Variants in CCDC102B observed in about 807,000 individuals in gnomAD.
The protein encoded by CCDC102B is coiled-coil domain containing 102B.
CCDC102B carries 75 observed loss-of-function variants against 57.4 expected under a neutral mutation model. The ratio of observed to expected loss-of-function variants is 1.31; its 90% CI spans 1.08 to 1.58. CCDC102B has a LOEUF of 1.58. Ranked by LOEUF, CCDC102B falls within the 40% of genes most tolerant of loss-of-function variation. The pLI is 0.00. For synonymous variants in CCDC102B, 206 were observed against 201.9 expected, an observed-to-expected ratio of 1.02 and a Z score of -0.17; for missense variants, 636 against 582.6, an observed-to-expected ratio of 1.09 and a Z score of -0.94.
Position 68,857,088 on chromosome 18 carries a change from T to G in CCDC102B, c.936+10667T>G, listed in dbSNP as rs557669082. Among the ~76,000 whole-genome samples, 35 of 88,536 alleles carry G rather than the reference T, an allele frequency of 4.0e-4. 2 individuals are homozygous for G. The highest frequency in any genetic ancestry group is 5.5e-4 in the African/African-American group (13 of 23,820). 58.1% of individuals were successfully genotyped at this position (88,536 alleles called of 152,430 possible). A position where few individuals can be genotyped will look rare whatever the true frequency, so the allele number is the denominator to read the frequency against. ...TTTTATATATTATATATAAATATAT[T>G]TATATATTTTTATATATTATATATA... On this transcript the variant is annotated intron_variant, in intron 4 of 7. Transcript: ENST00000360242.
downstream of CCDC102B, among the ~76,000 whole-genome samples, chr18:69,057,866 A>G (rs567371592): frequency 3.9e-5 from 6 of 152,080 alleles, no homozygotes; most frequent in East Asian, 9.7e-4. Context: ...TTTTAGGTTC[A>G]GTGGGTACAT....
At chr18:68,813,416 G>T (rs547013555) in intron 1 of CCDC102B, among the ~76,000 whole-genome samples, 1 of 151,828 alleles carries the variant, frequency 6.6e-6, no homozygotes, top group Non-Finnish European at 1.5e-5. Flanking sequence ...AGAATGATAG[G>T]GGAGAGGAGA....
At chr18:68,883,222 C>G (rs1201921178) in intron 5 of CCDC102B, among the ~76,000 whole-genome samples, 1 of 151,720 alleles carries the variant, frequency 6.6e-6, no homozygotes, top group Non-Finnish European at 1.5e-5. Flanking sequence ...AGTTGGAGAC[C>G]ATGGTGAAAC....
chr18:68,851,748 A>G (rs1296290947), intron 4 of CCDC102B, among the ~76,000 whole-genome samples: 1 of 152,160 alleles, frequency 6.6e-6, no homozygotes, highest in East Asian at 1.9e-4. Flanking sequence ...ATTAGTCTAG[A>G]CAGTTAATAG....
intron 1 of CCDC102B, among the ~76,000 whole-genome samples, chr18:68,822,782 C>T (rs954933016): frequency 6.6e-6 from 1 of 152,174 alleles, no homozygotes; most frequent in African/African-American, 2.4e-5. Flanking sequence ...CCGGCTCCAT[C>T]CATGTTGTTG....
chr18:68,828,582 G>A (rs2037009242), intron 1 of CCDC102B, among the ~76,000 whole-genome samples: 1 of 151,566 alleles, frequency 6.6e-6, no homozygotes, highest in Non-Finnish European at 1.5e-5. Flanking sequence ...GACAGCTAAA[G>A]TAGTGCAGAG....
intron 2 of CCDC102B, among the ~76,000 whole-genome samples, chr18:68,717,683 T>G (rs1266714563): frequency 6.6e-6 from 1 of 152,222 alleles, no homozygotes; most frequent in Non-Finnish European, 1.5e-5. Context: ...TGTTTTTTTC[T>G]GCTTATCTAC....
rs565110441 is a variant in CCDC102B at position 69,014,450 on chromosome 18, G to A, written c.1434+3346G>A. On this transcript the variant is annotated intron_variant, in intron 7 of 7. Coordinates refer to ENST00000360242, the MANE Select transcript of CCDC102B (RefSeq NM_024781.3). Reference sequence around the variant, plus strand: ...GGAGCAGAACCCAGGCCAAATACAGGAATATTTTCCATGGTCAGTATAGGT... The same window carrying A: ...GGAGCAGAACCCAGGCCAAATACAGAAATATTTTCCATGGTCAGTATAGGT... 9.9e-5 allele frequency among the ~76,000 whole-genome samples: 15 copies of A among 152,214 alleles called. No homozygotes were observed. The South Asian group carries it at 3.1e-3, about 32-fold the overall frequency.
intron 2 of CCDC102B, among the ~76,000 whole-genome samples, chr18:68,749,423 C>T (rs1336618076): frequency 6.6e-6 from 1 of 152,148 alleles, no homozygotes; most frequent in Non-Finnish European, 1.5e-5. Flanking sequence ...GAATGTTCTT[C>T]CATTTGTTTG....
In CCDC102B at chr18:68,853,448, A is replaced by G. The variant is rs34626879; in HGVS notation, c.936+7027A>G. On this transcript the variant is annotated intron_variant, in intron 4 of 7. Transcript: ENST00000360242. The stretch of plus-strand genomic sequence containing the variant: ...TATCTATGAAAAATGATATTACTAT[A>G]TCGCTCTCATACTAAAAGTTGATTA... 9.6e-3 allele frequency among the ~76,000 whole-genome samples: 1,460 copies of G among 152,132 alleles called. 17 individuals are homozygous for G. Among genetic ancestry groups the G allele is most frequent in the South Asian group, 0.014 (69 of 4,824 alleles).
intron 6 of CCDC102B, among the ~76,000 whole-genome samples, chr18:68,922,792 A>T (rs2041329647): frequency 6.6e-6 from 1 of 151,416 alleles, no homozygotes; most frequent in South Asian, 2.1e-4. Context: ...CAGGGACACA[A>T]ATAAGGTTCC....
At chr18:68,803,034 C>G (rs2035910209) in intron 1 of CCDC102B, among the ~76,000 whole-genome samples, 1 of 152,180 alleles carries the variant, frequency 6.6e-6, no homozygotes, top group Admixed American at 6.5e-5. Context: ...AATGAAGTTG[C>G]TGATAGCAAT....
intron 2 of CCDC102B, among the ~76,000 whole-genome samples, chr18:68,768,536 C>T (rs1410314829): frequency 2.0e-5 from 3 of 152,108 alleles, no homozygotes; most frequent in Non-Finnish European, 2.9e-5. Context: ...AAACATTGCA[C>T]AATTTATAAA....
At chr18:68,735,055 T>G (rs2033064360) in intron 2 of CCDC102B, among the ~76,000 whole-genome samples, 1 of 152,170 alleles carries the variant, frequency 6.6e-6, no homozygotes, top group Admixed American at 6.5e-5. Flanking sequence ...ATTTTATTAT[T>G]TATTTGTTTA....
At chr18:68,887,881 A>G (rs1389835206) in intron 5 of CCDC102B, among the ~76,000 whole-genome samples, 1 of 152,234 alleles carries the variant, frequency 6.6e-6, no homozygotes, top group Admixed American at 6.5e-5. Context: ...GGACACTGGG[A>G]ATGATGGTGA....
chr18:68,864,124 T>A (rs536143643), intron 4 of CCDC102B, among the ~76,000 whole-genome samples: 42 of 152,114 alleles, frequency 2.8e-4, no homozygotes, highest in African/African-American at 9.9e-4. Context: ...TTGCCTCTCT[T>A]TATTGGTCAT....
chr18:68,822,810 T>C (rs1476544760), intron 1 of CCDC102B, among the ~76,000 whole-genome samples: 1 of 152,192 alleles, frequency 6.6e-6, no homozygotes, highest in Non-Finnish European at 1.5e-5. Flanking sequence ...CAATATTTCA[T>C]TCTTTCTATG....
chr18:68,894,356 G>A lies in CCDC102B; in HGVS notation c.1054-2863G>A, dbSNP rs528556829. Among the ~76,000 whole-genome samples the A allele has an allele frequency of 5.9e-5, 9 of 152,090 alleles. No homozygotes were observed. The South Asian group carries it at 1.9e-3, about 32-fold the overall frequency. On this transcript the variant is annotated intron_variant, in intron 5 of 7. Coordinates refer to ENST00000360242, the MANE Select transcript of CCDC102B (RefSeq NM_024781.3). ...TTTACATTAAAATTTTCAGAAAACA[G>A]GTTTCAGTAATTTCTGCATTATCTG... is the stretch of plus-strand genomic sequence containing the variant.
intron 6 of CCDC102B, among the ~76,000 whole-genome samples, chr18:69,008,800 A>G (rs191764417): frequency 1.3e-5 from 2 of 152,302 alleles, no homozygotes; most frequent in African/African-American, 4.8e-5. Flanking sequence ...AAGTCGCTTT[A>G]TATCAGCTTG....
Sources: allele counts gnomAD v4.1 joint callset (sites outside exome capture counted in the v4.1 genomes callset), GRCh38; gene constraint gnomAD v4.1.1; transcripts MANE v1.5; gene names NCBI Gene and HGNC (gene_info 2026-07-23, HGNC 2026-07-21).